CCDC178: variants seen among roughly 807,000 people sequenced by gnomAD.
The protein encoded by CCDC178 is coiled-coil domain containing 178, also known as coiled-coil domain-containing protein 178.
In CCDC178, 126 loss-of-function variants were observed where a neutral mutation model predicts 117.4. The ratio of observed to expected loss-of-function variants is 1.07; its 90% confidence interval spans 0.93 to 1.24. The LOEUF is 1.24. Ranked by LOEUF, CCDC178 falls within the 50% of genes most tolerant of loss-of-function variation. CCDC178 has a pLI of 0.00. For synonymous variants in CCDC178, 283 were observed against 313.4 expected (o/e 0.90, Z 1.02); for missense variants, 1,030 against 986.9 (o/e 1.04, Z -0.59).
chr18:32,988,118 T>C (rs144842009), intron 21 of CCDC178, among the ~76,000 whole-genome samples: 3 of 132,860 alleles, frequency 2.3e-5, no homozygotes, highest in African/African-American at 5.8e-5. Flanking sequence ...ATAATAATAA[T>C]AAATTTATCA....
intron 5 of CCDC178, among the ~76,000 whole-genome samples, chr18:33,371,310 T>C (rs2063295967): frequency 6.6e-6 from 1 of 151,940 alleles, no homozygotes; most frequent in African/African-American, 2.4e-5. Flanking sequence ...TATATATAAA[T>C]GACCTTTTTA....
intron 21 of CCDC178, among the ~76,000 whole-genome samples, chr18:33,090,311 T>G (rs1376753287): frequency 2.0e-5 from 3 of 152,130 alleles, no homozygotes; most frequent in African/African-American, 4.8e-5. Flanking sequence ...AAAATATAAT[T>G]ATTTACTATG....
At chr18:33,341,600 T>A (rs1235443954) in intron 9 of CCDC178, among the ~76,000 whole-genome samples, 3 of 152,202 alleles carry the variant, frequency 2.0e-5, no homozygotes, top group African/African-American at 7.2e-5. Context: ...TGGTCCAGTC[T>A]TTCTCATGTT....
chr18:33,418,549 C>T (rs1744443575), intron 2 of CCDC178, among the ~76,000 whole-genome samples: 1 of 151,782 alleles, frequency 6.6e-6, no homozygotes, highest in African/African-American at 2.4e-5. Flanking sequence ...GCTAAAGTAT[C>T]CTTGTTTGCA....
intron 21 of CCDC178, among the ~76,000 whole-genome samples, chr18:33,017,502 A>T (rs764609640): frequency 6.6e-6 from 1 of 152,024 alleles, no homozygotes; most frequent in Non-Finnish European, 1.5e-5. Flanking sequence ...TATTGTTAAC[A>T]TGGCAATACT....
intron 21 of CCDC178, among the ~76,000 whole-genome samples, chr18:33,003,135 C>A (rs1357063304): frequency 2.0e-5 from 3 of 152,050 alleles, no homozygotes; most frequent in Non-Finnish European, 4.4e-5. Context: ...TTAAACTATT[C>A]TGAAAAATAG....
At chr18:33,364,378 G>A (rs2063171319) in intron 6 of CCDC178, among the ~76,000 whole-genome samples, 1 of 152,062 alleles carries the variant, frequency 6.6e-6, no homozygotes, top group Admixed American at 6.6e-5. Flanking sequence ...TGAGTGATTG[G>A]GAGGTGTGGA....
At position 33,044,047 on chromosome 18, in the gene CCDC178, ATGTG is replaced by A. The variant is rs374505982; in HGVS notation, c.2388+48710_2388+48713del. Among the ~76,000 whole-genome samples, 879 of 146,086 alleles carry A rather than the reference ATGTG, an allele frequency of 6.0e-3. 4 individuals carry two copies. The highest frequency in any genetic ancestry group is 0.019 in the African/African-American group (744 of 39,812). On this transcript the variant is annotated intron_variant, in intron 21 of 22. Transcript: ENST00000383096. Reference sequence around the variant, plus strand: ...TATATATACACACACACACCAGCATATGTGTGTGTGTGTGTGTGTGTATGTGTGT... The same window carrying A: ...TATATATACACACACACACCAGCATATGTGTGTGTGTGTGTGTATGTGTGT...
chr18:33,405,638 T>C (rs996746478), intron 3 of CCDC178, among the ~76,000 whole-genome samples: 8 of 152,042 alleles, frequency 5.3e-5, no homozygotes, highest in African/African-American at 1.9e-4. Context: ...CCAGAGATAA[T>C]TGCTATGAAC....
At chr18:33,204,307 T>C (rs566961230) in intron 20 of CCDC178, among the ~76,000 whole-genome samples, 1 of 152,068 alleles carries the variant, frequency 6.6e-6, no homozygotes, top group African/African-American at 2.4e-5. Context: ...ATATTGTAAA[T>C]GAACAAAAAT....
chr18:33,376,268 GT>G (rs1482465450), intron 5 of CCDC178, among the ~76,000 whole-genome samples: 60 of 152,134 alleles, frequency 3.9e-4, no homozygotes, highest in African/African-American at 1.3e-3. Context: ...CTCCTGGTGT[GT>G]TGGGGGAGGG....
intron 11 of CCDC178, among the ~76,000 whole-genome samples, chr18:33,317,421 C>T (rs566907065): frequency 5.9e-5 from 9 of 152,258 alleles, no homozygotes; most frequent in African/African-American, 1.2e-4. Context: ...CTGGACACGC[C>T]GCCTTTAAGA....
chr18:33,209,383 T>A (rs1011355567), intron 20 of CCDC178, among the ~76,000 whole-genome samples: 1 of 152,038 alleles, frequency 6.6e-6, no homozygotes, highest in Non-Finnish European at 1.5e-5. Flanking sequence ...ATATTCTCCA[T>A]TAACTCTTGT....
intron 9 of CCDC178, among the ~76,000 whole-genome samples, chr18:33,340,359 C>T (rs189565544): frequency 6.6e-6 from 1 of 152,034 alleles, no homozygotes; most frequent in Non-Finnish European, 1.5e-5. Context: ...AAAAGGGAAA[C>T]AGCATAAAAG....
intron 5 of CCDC178, among the ~76,000 whole-genome samples, chr18:33,382,532 G>A (rs903070097): frequency 5.3e-5 from 8 of 152,154 alleles, no homozygotes; most frequent in South Asian, 2.1e-4. Context: ...TGTGACCCAC[G>A]GACAGTGAGC....
intron 22 of CCDC178, among the ~76,000 whole-genome samples, 193 bp downstream of exon 22, chr18:32,974,353 CT>C (rs1215119620): frequency 6.6e-6 from 1 of 152,136 alleles, no homozygotes; most frequent in Non-Finnish European, 1.5e-5. Context: ...TCCAATCTCC[CT>C]TTTCTCCCAA....
At chr18:33,049,066 A>T (rs1319552792) in intron 21 of CCDC178, among the ~76,000 whole-genome samples, 1 of 152,118 alleles carries the variant, frequency 6.6e-6, no homozygotes, top group African/African-American at 2.4e-5. Flanking sequence ...CCTTACCACA[A>T]GTGTAACAGC....
chr18:33,067,396 A>T (rs1192852024), intron 21 of CCDC178, among the ~76,000 whole-genome samples: 1 of 152,182 alleles, frequency 6.6e-6, no homozygotes, highest in Non-Finnish European at 1.5e-5. Flanking sequence ...GTCTATATCG[A>T]AAAAGTAGAA....
At chr18:33,099,814 T>C (rs890024107) in intron 20 of CCDC178, among the ~76,000 whole-genome samples, 2 of 152,016 alleles carry the variant, frequency 1.3e-5, no homozygotes, top group African/African-American at 4.8e-5. Flanking sequence ...GTTTTAACTC[T>C]CCCAGGACCC....
Sources: gnomAD v4.1 joint callset for allele counts (sites outside exome capture counted in the v4.1 genomes callset) on GRCh38, gnomAD v4.1.1 for gene constraint, MANE v1.5 for transcripts, NCBI Gene and HGNC (gene_info 2026-07-23, HGNC 2026-07-21) for gene names.